The following ACSL6 variants were observed in gnomAD, a reference collection of about 807,000 sequenced individuals.
ACSL6 encodes the protein long-chain-fatty-acid--CoA ligase 6.
ACSL6 carries 47 observed loss-of-function variants against 98.2 expected under a neutral mutation model. That is an observed-to-expected ratio of 0.48 (90% CI 0.38 to 0.61). ACSL6 has a LOEUF of 0.61. Ranked by LOEUF, ACSL6 falls within the 20% of genes least tolerant of loss-of-function variation. The pLI, the probability that ACSL6 is intolerant of heterozygous loss-of-function variation, is 0.00. For missense variants in ACSL6, 761 were observed against 913.4 expected (o/e 0.83, Z 2.15); for synonymous variants, 362 against 336.9 (o/e 1.07, Z -0.82).
rs556467040 is a variant in ACSL6 at position 131,986,152 on chromosome 5, G to T, written c.864+670C>A. 6.0e-4 allele frequency among the ~76,000 whole-genome samples: 92 copies of T among 152,350 alleles called. 2 individuals carry two copies. The highest frequency in any genetic ancestry group is 2.0e-3 in the African/African-American group (84 of 41,580). On this transcript the variant is annotated intron_variant, in intron 8 of 20. Transcript: ENST00000651883. ...GGCAGAAGAGAGAAAGGGTGCTGAG[G>T]GATGGGAGAGTGGTTCTCTAAAACT... is the stretch of plus-strand genomic sequence containing the variant.
rs1052119370 is a variant in ACSL6 at position 131,973,289 on chromosome 5, G to A, written c.1180C>T (p.Leu394=). 1.9e-6 allele frequency: 3 copies of A among 1,614,062 alleles called. No individual in the cohort carries two copies. Among genetic ancestry groups the A allele is most frequent in the Middle Eastern group, 3.3e-4 (2 of 6,084 alleles). The change falls in exon 12 of 21, where the codon CTG becomes TTG. Residue 394 remains leucine (L), a synonymous_variant. Transcript: ENST00000651883. ...ACCTTGTCGTACATCCGGTTCAGCA[G>A]TCGTGGGACCACAGGGAAGATGGTG... is the stretch of plus-strand genomic sequence containing the variant. The part of the protein sequence containing the change: ...CPTIFPVVPR[L]LNRMYDKIFS...
intron 20 of ACSL6, among the ~76,000 whole-genome samples, chr5:131,955,768 TA>T (rs1172577292): frequency 3.3e-5 from 5 of 152,232 alleles, no homozygotes; most frequent in African/African-American, 1.2e-4. Flanking sequence ...ATGACAAAAT[TA>T]ATTAGCTTAA....
chr5:131,980,498 A>T (rs1260615357), intron 9 of ACSL6, among the ~76,000 whole-genome samples: 1 of 152,216 alleles, frequency 6.6e-6, no homozygotes, highest in Non-Finnish European at 1.5e-5. Flanking sequence ...CATTTTCCCC[A>T]GAAAGCCCAC....
chr5:131,966,023 G>A (rs749334951), intron 17 of ACSL6, among the ~76,000 whole-genome samples: 2 of 152,320 alleles, frequency 1.3e-5, no homozygotes, highest in Non-Finnish European at 2.9e-5. Flanking sequence ...TTCACTCAGT[G>A]CCACCTTTTG....
At chr5:132,002,409 C>G (rs1043727719) in intron 1 of ACSL6, among the ~76,000 whole-genome samples, 1 of 152,144 alleles carries the variant, frequency 6.6e-6, no homozygotes, top group Non-Finnish European at 1.5e-5. Context: ...ACTCAGAGCT[C>G]AACTGCAGGT....
chr5:131,952,532 C>T lies in ACSL6; in HGVS notation c.*1702G>A. On this transcript the variant is annotated 3_prime_UTR_variant, in exon 21 of 21. Coordinates refer to ENST00000651883, the MANE Select transcript of ACSL6 (RefSeq NM_001009185.3). ...CTAGACTACAAACACTGAGCACATA[C>T]ATTTTAAATTAACACATGAATTGCA... 4.6e-6 allele frequency: 1 copy of T among 215,690 alleles called. No homozygotes were observed. Among genetic ancestry groups the T allele is most frequent in the African/African-American group, 2.2e-5 (1 of 44,474 alleles). The allele number at this position is 215,690 out of a possible 1,614,324, so 13.4% of individuals were successfully genotyped here.
intron 20 of ACSL6, among the ~76,000 whole-genome samples, chr5:131,955,020 T>G (rs1272947443): frequency 3.9e-5 from 6 of 152,188 alleles, no homozygotes; most frequent in African/African-American, 1.2e-4. Context: ...AGCTCAAATT[T>G]TATTCCAAAT....
chr5:131,978,538 G>C (rs1396551615), intron 9 of ACSL6, among the ~76,000 whole-genome samples: 2 of 152,190 alleles, frequency 1.3e-5, no homozygotes, highest in Admixed American at 1.3e-4. Context: ...CAAGCCTGCA[G>C]CCAGCCCTCG....
intron 1 of ACSL6, chr5:131,999,495 C>T (rs1754963369): frequency 6.6e-6 from 1 of 152,254 alleles, no homozygotes; most frequent in Non-Finnish European, 1.5e-5. Context: ...GCCTGTGGGG[C>T]CCAGGGAAAG....
intron 1 of ACSL6, chr5:131,994,823 C>T (rs942573095): frequency 1.1e-4 from 19 of 166,374 alleles, no homozygotes; most frequent in Non-Finnish European, 2.4e-4. Flanking sequence ...ATACTCCAGC[C>T]CTCATGATGT....
Position 131,951,831 on chromosome 5 carries a change from C to T in ACSL6, c.*2403G>A, listed in dbSNP as rs575574822. 2.5e-3 allele frequency: 403 copies of T among 162,918 alleles called. 1 individual carries two copies. The highest frequency in any genetic ancestry group is 9.2e-3 in the African/African-American group (384 of 41,910). The allele number at this position is 162,918 out of a possible 1,614,324, so 10.1% of individuals were successfully genotyped here. ...CTCGATCTCCTGACTTCGTGATCTG[C>T]CCGCCTCGGCCTCCCAAAGTGCTGG... is the stretch of plus-strand genomic sequence containing the variant. On this transcript the variant is annotated 3_prime_UTR_variant, in exon 21 of 21. Transcript: ENST00000651883.
chr5:131,954,522 ATT>A lies in ACSL6; in HGVS notation c.2032-153_2032-152del, dbSNP rs1752298202. ...AATTATGTTGAGAACATTTCAGCCT[ATT>A]TTACGTATCTAAAAGCCAACTTTTT... On this transcript the variant is annotated intron_variant, in intron 20 of 20. Transcript: ENST00000651883. 11 of 917,056 alleles carry A rather than the reference ATT, an allele frequency of 1.2e-5. No homozygotes were observed. The East Asian group carries it at 3.4e-4, about 28-fold the overall frequency. 56.8% of individuals were successfully genotyped at this position (917,056 alleles called of 1,614,324 possible). A position where few individuals can be genotyped will look rare whatever the true frequency, so the allele number is the denominator to read the frequency against.
intron 12 of ACSL6, 138 bp from the exon 13 acceptor site, chr5:131,972,996 G>T: frequency 7.9e-7 from 1 of 1,262,728 alleles, no homozygotes; most frequent in Non-Finnish European, 1.1e-6. Flanking sequence ...CTGAATGTGT[G>T]ACATTGAGCT....
At chr5:131,981,245 G>A (rs973137590) in intron 9 of ACSL6, among the ~76,000 whole-genome samples, 2 of 148,448 alleles carry the variant, frequency 1.3e-5, no homozygotes, top group African/African-American at 5.0e-5. Flanking sequence ...CTCCAGAAGA[G>A]CAACAAACCT....
rs761385848 is a variant in ACSL6, at chr5:131,988,517, C to T, written c.652+288G>A. The T allele has an allele frequency of 3.1e-6, 5 of 1,608,154 alleles. No homozygotes were observed. In the East Asian group the frequency reaches 6.7e-5, roughly 22 times the overall value. On this transcript the variant is annotated intron_variant, in intron 6 of 20. Transcript: ENST00000651883. ...TGTTTGAGATATTTACCACCCCCTGCATCTGTGCCAAGCTGTCATGAACTT... is the reference window on the plus strand; with the variant it reads ...TGTTTGAGATATTTACCACCCCCTGTATCTGTGCCAAGCTGTCATGAACTT...
In ACSL6 at chr5:131,993,953, C is replaced by G; in HGVS notation, c.270+78G>C. On this transcript the variant is annotated intron_variant, in intron 2 of 20. Transcript: ENST00000651883. ...GGGCCATGTGAGGTCAAATAAGCCA[C>G]AAGTCTGGCTTCTACTTCCAAGATG... The G allele has an allele frequency of 2.1e-6, 3 of 1,455,786 alleles. No individual in the cohort carries two copies. The Admixed American group carries it at 5.5e-5, about 27-fold the overall frequency. 90.2% of individuals were successfully genotyped at this position (1,455,786 alleles called of 1,614,324 possible).
At position 131,974,866 on chromosome 5, in the gene ACSL6, G is replaced by T. The variant is rs376057279; in HGVS notation, c.1068+27C>A. On this transcript the variant is annotated intron_variant, in intron 11 of 20. Transcript: ENST00000651883. ...AGAAAAAAGAAGGAGCCCAGGCAAG[G>T]CCCGGTCAGTCAGGTGGGTGTCTTA... 2,807 of 1,614,070 alleles carry T rather than the reference G, an allele frequency of 1.7e-3. 2 individuals carry two copies. Among genetic ancestry groups the T allele is most frequent in the Non-Finnish European group, 2.2e-3 (2,551 of 1,179,984 alleles).
At chr5:131,960,437 G>A in intron 19 of ACSL6, 83 bp downstream of exon 19, 1 of 1,129,352 alleles carries the variant, frequency 8.9e-7, no homozygotes, top group South Asian at 1.7e-5. Context: ...GAATTTCACT[G>A]GTCTACAACT....
chr5:131,964,652 G>A (rs1752912570), intron 17 of ACSL6, among the ~76,000 whole-genome samples: 1 of 152,212 alleles, frequency 6.6e-6, no homozygotes, highest in Admixed American at 6.5e-5. Flanking sequence ...AAAATGAAGT[G>A]CAGGGCCTTG....
Sources: gnomAD v4.1 joint callset for allele counts (sites outside exome capture counted in the v4.1 genomes callset) on GRCh38, gnomAD v4.1.1 for gene constraint, MANE v1.5 for transcripts, NCBI Gene and HGNC (gene_info 2026-07-23, HGNC 2026-07-21) for gene names.